The following TNFAIP8 variants were observed in gnomAD, a reference collection of about 807,000 sequenced individuals.
The protein encoded by TNFAIP8 is TNF alpha induced protein 8.
A neutral mutation model predicts 13.3 loss-of-function variants in TNFAIP8; 7 were observed. The observed-to-expected ratio is 0.52, with a 90% CI of 0.30 to 0.99. The LOEUF is 0.99. TNFAIP8 is among the 50% of genes least tolerant of loss of function. The probability of loss-of-function intolerance (pLI) is 0.07; values close to 1 mark genes in which losing one functional copy is unlikely to be tolerated. For synonymous variants in TNFAIP8, 94 were observed against 87.6 expected (o/e 1.07, Z -0.41); for missense variants, 258 against 236.9 (o/e 1.09, Z -0.58).
intron 1 of TNFAIP8, among the ~76,000 whole-genome samples, chr5:119,388,630 T>TTTTTCTTTTC (rs113406514): frequency 8.2e-4 from 123 of 150,712 alleles, no homozygotes; most frequent in South Asian, 1.1e-3. Flanking sequence ...AGCATCTTTT[T>TTTTTCTTTTC]TTTTCTTTTC....
At chr5:119,358,600 C>T (rs1751522963) in intron 1 of TNFAIP8, among the ~76,000 whole-genome samples, 1 of 152,130 alleles carries the variant, frequency 6.6e-6, no homozygotes, top group Non-Finnish European at 1.5e-5. Flanking sequence ...AAAGAAGAAA[C>T]TCACTTTTTT....
At chr5:119,372,192 T>C (rs1752103430) in intron 1 of TNFAIP8, among the ~76,000 whole-genome samples, 1 of 151,110 alleles carries the variant, frequency 6.6e-6, no homozygotes, top group Non-Finnish European at 1.5e-5. Context: ...TAGCCAACTG[T>C]GGTGGCACAC....
At chr5:119,386,053 T>C (rs1313510211) in intron 1 of TNFAIP8, among the ~76,000 whole-genome samples, 4 of 152,196 alleles carry the variant, frequency 2.6e-5, no homozygotes, top group Non-Finnish European at 4.4e-5. Flanking sequence ...ATAAGTATAC[T>C]ATAGTTTTCC....
At chr5:119,338,209 C>CACACA (rs1554172677) in intron 1 of TNFAIP8, among the ~76,000 whole-genome samples, 9 of 137,506 alleles carry the variant, frequency 6.5e-5, no homozygotes, top group Non-Finnish European at 1.3e-4. Flanking sequence ...CACACACACA[C>CACACA]ACCTTCTCAG....
intron 1 of TNFAIP8, among the ~76,000 whole-genome samples, chr5:119,312,352 C>T (rs1749755978): frequency 1.3e-5 from 2 of 152,040 alleles, no homozygotes; most frequent in South Asian, 2.1e-4. Context: ...CCTCATATCA[C>T]GAGGATGAAA....
chr5:119,374,343 T>C (rs945333368), intron 1 of TNFAIP8, among the ~76,000 whole-genome samples: 3 of 152,176 alleles, frequency 2.0e-5, no homozygotes, highest in Non-Finnish European at 4.4e-5. Context: ...TTGGCATATT[T>C]TGGAGTTTGG....
intron 1 of TNFAIP8, among the ~76,000 whole-genome samples, chr5:119,350,994 CACTCTGTGTG>C (rs1436846471): frequency 3.8e-4 from 42 of 110,746 alleles, no homozygotes; most frequent in African/African-American, 1.7e-3. Flanking sequence ...AGAGGGGTCT[CACTCTGTGTG>C]TGTGTGTGTG....
At chr5:119,333,053 T>TA (rs398109350) in intron 1 of TNFAIP8, 2 of 269,830 alleles carry the variant, frequency 7.4e-6, no homozygotes, top group African/African-American at 2.3e-5. Context: ...GTGTTTTTTT[T>TA]ATTTTCTTTT....
chr5:119,285,103 A>C (rs1748738346), intron 1 of TNFAIP8, among the ~76,000 whole-genome samples: 1 of 152,168 alleles, frequency 6.6e-6, no homozygotes, highest in Non-Finnish European at 1.5e-5. Flanking sequence ...AGTTAAGCAA[A>C]GGACGCAGCC....
At chr5:119,285,788 A>G (rs1259885613) in intron 1 of TNFAIP8, among the ~76,000 whole-genome samples, 1 of 152,230 alleles carries the variant, frequency 6.6e-6, no homozygotes, top group African/African-American at 2.4e-5. Context: ...TTAAATATGC[A>G]TCAGCTGCTT....
At chr5:119,319,415 T>C (rs979792695) in intron 1 of TNFAIP8, among the ~76,000 whole-genome samples, 3 of 152,224 alleles carry the variant, frequency 2.0e-5, no homozygotes, top group African/African-American at 7.2e-5. Flanking sequence ...TCCTAAAAAC[T>C]TGATTTAATG....
At chr5:119,346,258 G>A (rs1750897474) in intron 1 of TNFAIP8, among the ~76,000 whole-genome samples, 1 of 152,200 alleles carries the variant, frequency 6.6e-6, no homozygotes, top group Non-Finnish European at 1.5e-5. Flanking sequence ...GAAGCTGCTG[G>A]AGGCTGGGAG....
intron 1 of TNFAIP8, among the ~76,000 whole-genome samples, chr5:119,273,309 C>T (rs1256010602): frequency 1.3e-5 from 2 of 152,222 alleles, no homozygotes; most frequent in East Asian, 3.9e-4. Context: ...AGGTCTCATT[C>T]CAGTAAGTGT....
chr5:119,352,368 T>G (rs567714219), upstream of TNFAIP8, among the ~76,000 whole-genome samples: 1 of 152,126 alleles, frequency 6.6e-6, no homozygotes, highest in South Asian at 2.1e-4. Flanking sequence ...ACAAGAGAAG[T>G]TGAAGAAGGT....
chr5:119,316,365 C>T (rs1169136561), intron 1 of TNFAIP8: 1 of 152,018 alleles, frequency 6.6e-6, no homozygotes. Flanking sequence ...CGCCATGTTG[C>T]CTAGGCTCTT....
chr5:119,364,418 A>T (rs1190344483), intron 1 of TNFAIP8, among the ~76,000 whole-genome samples: 1 of 152,158 alleles, frequency 6.6e-6, no homozygotes, highest in African/African-American at 2.4e-5. Context: ...CCCAGGCTGG[A>T]GTGCAGTGGC....
intron 1 of TNFAIP8, among the ~76,000 whole-genome samples, chr5:119,336,473 C>G (rs540316586): frequency 6.6e-6 from 1 of 152,302 alleles, no homozygotes; most frequent in African/African-American, 2.4e-5. Flanking sequence ...CCTGCTGTGT[C>G]TCTGTCTACC....
At chr5:119,389,216 T>C (rs1296048546) in intron 1 of TNFAIP8, among the ~76,000 whole-genome samples, 2 of 152,050 alleles carry the variant, frequency 1.3e-5, no homozygotes, top group Admixed American at 1.3e-4. Context: ...GAGCACTTAG[T>C]AGGGAGGCAG....
At chr5:119,329,463 T>C (rs4392658) in intron 1 of TNFAIP8, among the ~76,000 whole-genome samples, 14,528 of 152,186 alleles carry the variant, frequency 0.095, 791 homozygotes, top group African/African-American at 0.16. Context: ...CTTAACTCAC[T>C]ACTCTACCTG....
Sources: gnomAD v4.1 joint callset for allele counts (sites outside exome capture counted in the v4.1 genomes callset) on GRCh38, gnomAD v4.1.1 for gene constraint, MANE v1.5 for transcripts, NCBI Gene and HGNC (gene_info 2026-07-23, HGNC 2026-07-21) for gene names.